The following GRID2 variants were observed in gnomAD, a reference collection of about 807,000 sequenced individuals.
GRID2 encodes glutamate ionotropic receptor delta type subunit 2, also known as glutamate receptor ionotropic, delta-2.
A neutral mutation model predicts 114.8 loss-of-function variants in GRID2; 33 were observed. The observed-to-expected ratio is 0.29, with a 90% CI of 0.22 to 0.38. The LOEUF is 0.38. GRID2 is among the 10% of genes least tolerant of loss of function. The pLI, the probability that GRID2 is intolerant of heterozygous loss-of-function variation, is 1.00. For synonymous variants in GRID2, 505 were observed against 449.9 expected, an observed-to-expected ratio of 1.12 and a Z score of -1.55; for missense variants, 1,184 against 1,257.7, an observed-to-expected ratio of 0.94 and a Z score of 0.89.
rs183132608 is a variant in GRID2, at chr4:93,123,995, T to C, written c.735+13042T>C. Among the ~76,000 whole-genome samples, 8 of 149,096 alleles carry C rather than the reference T, an allele frequency of 5.4e-5. No individual in the cohort carries two copies. In the East Asian group the frequency reaches 1.2e-3, roughly 23 times the overall value. On this transcript the variant is annotated intron_variant, in intron 4 of 15. Coordinates refer to ENST00000282020, the MANE Select transcript of GRID2 (RefSeq NM_001510.4). ...GGGGGAGGGATAGCATTGGGAGATATACCTAATGCTAGATGACACGTTAGT... is the reference window on the plus strand; with the variant it reads ...GGGGGAGGGATAGCATTGGGAGATACACCTAATGCTAGATGACACGTTAGT...
chr4:92,314,119 T>C lies in GRID2; in HGVS notation c.88+9375T>C, dbSNP rs370105364. 5.4e-4 allele frequency among the ~76,000 whole-genome samples: 82 copies of C among 152,184 alleles called. 1 individual carries two copies. In the South Asian group the frequency reaches 0.016, roughly 30 times the overall value. On this transcript the variant is annotated intron_variant, in intron 1 of 15. Coordinates refer to ENST00000282020, the MANE Select transcript of GRID2 (RefSeq NM_001510.4). ...TTTTTTTCTTTTTCTTTTTCTTTTA[T>C]AAATTGGATCAAGTGACACCAGGCC...
chr4:92,772,690 T>G (rs1023852414), intron 2 of GRID2, among the ~76,000 whole-genome samples: 2 of 152,212 alleles, frequency 1.3e-5, no homozygotes, highest in Non-Finnish European at 2.9e-5. Context: ...CATATTACTA[T>G]GTAGTCAAAG....
At chr4:92,823,294 A>G (rs956556927) in intron 2 of GRID2, among the ~76,000 whole-genome samples, 1 of 152,178 alleles carries the variant, frequency 6.6e-6, no homozygotes, top group Non-Finnish European at 1.5e-5. Flanking sequence ...ATATATAAGT[A>G]ATGAAAAAAG....
intron 4 of GRID2, among the ~76,000 whole-genome samples, chr4:93,171,091 A>T (rs1167928334): frequency 6.6e-6 from 1 of 152,202 alleles, no homozygotes; most frequent in Admixed American, 6.5e-5. Context: ...TTCTCTGGTC[A>T]GGTTTCCTAT....
At chr4:92,937,816 A>T (rs1040336121) in intron 2 of GRID2, among the ~76,000 whole-genome samples, 2 of 146,620 alleles carry the variant, frequency 1.4e-5, no homozygotes, top group Non-Finnish European at 3.0e-5. Flanking sequence ...TCATCTTAAT[A>T]GTATTAATTC....
At position 93,077,686 on chromosome 4, in the gene GRID2, A is replaced by G. The variant is rs1009901699; in HGVS notation, c.245-7309A>G. On this transcript the variant is annotated intron_variant, in intron 2 of 15. Transcript: ENST00000282020. Reference sequence around the variant, plus strand: ...TTTACCTATAATGACCAAATATGACATTCTGCACTCACCGAGTTTCCTAAA... The same window carrying G: ...TTTACCTATAATGACCAAATATGACGTTCTGCACTCACCGAGTTTCCTAAA... 4.6e-5 allele frequency among the ~76,000 whole-genome samples: 7 copies of G among 152,306 alleles called. No individual in the cohort carries two copies. The East Asian group carries it at 1.4e-3, about 29-fold the overall frequency.
chr4:93,725,635 T>C (rs1424009490), intron 14 of GRID2, among the ~76,000 whole-genome samples: 1 of 149,164 alleles, frequency 6.7e-6, no homozygotes, highest in African/African-American at 2.6e-5. Flanking sequence ...CCACATCCTC[T>C]CCAGCACCTT....
chr4:92,425,722 A>C (rs1442228376), intron 1 of GRID2, among the ~76,000 whole-genome samples: 1 of 152,084 alleles, frequency 6.6e-6, no homozygotes, highest in Non-Finnish European at 1.5e-5. Flanking sequence ...TGCCTAGTTT[A>C]AATTCTGGCA....
At chr4:92,382,151 A>T (rs1354129951) in intron 1 of GRID2, among the ~76,000 whole-genome samples, 2 of 151,978 alleles carry the variant, frequency 1.3e-5, no homozygotes, top group Non-Finnish European at 2.9e-5. Flanking sequence ...AAATTTAGTA[A>T]AATTTTTATT....
intron 14 of GRID2, among the ~76,000 whole-genome samples, chr4:93,664,343 G>T (rs1029258968): frequency 2.6e-5 from 4 of 152,206 alleles, no homozygotes; most frequent in Admixed American, 2.6e-4. Context: ...GAGAAATGGT[G>T]CTATCTGAAT....
intron 4 of GRID2, among the ~76,000 whole-genome samples, chr4:93,201,391 A>G (rs1742090385): frequency 1.3e-5 from 2 of 152,192 alleles, no homozygotes; most frequent in African/African-American, 4.8e-5. Context: ...GAAGCCAGAA[A>G]GGGAGTAGCT....
chr4:92,665,446 C>A lies in GRID2; in HGVS notation c.244+75160C>A, dbSNP rs181400675. ...ATTAGTACCTTAAATTATGTGGAAA[C>A]AATATGTATAGTTATAAACCAAAGT... On this transcript the variant is annotated intron_variant, in intron 2 of 15. Transcript: ENST00000282020. 1.3e-3 allele frequency among the ~76,000 whole-genome samples: 199 copies of A among 151,184 alleles called. 1 individual carries two copies. Among genetic ancestry groups the A allele is most frequent in the African/African-American group, 4.5e-3 (188 of 41,428 alleles).
intron 11 of GRID2, among the ~76,000 whole-genome samples, chr4:93,477,576 T>A (rs571630564): frequency 1.3e-5 from 2 of 152,164 alleles, no homozygotes; most frequent in Non-Finnish European, 2.9e-5. Context: ...AATTTCAATG[T>A]CATTTCAGAA....
intron 2 of GRID2, among the ~76,000 whole-genome samples, chr4:93,015,913 G>T (rs981819566): frequency 2.6e-5 from 4 of 151,966 alleles, no homozygotes; most frequent in Non-Finnish European, 5.9e-5. Flanking sequence ...GTTGATGGCA[G>T]ATTGCAATAC....
chr4:93,314,133 C>T (rs1309581667), intron 8 of GRID2, among the ~76,000 whole-genome samples: 1 of 151,742 alleles, frequency 6.6e-6, no homozygotes, highest in African/African-American at 2.4e-5. Context: ...AGTGAAACCC[C>T]ATCCCTACTA....
chr4:93,742,390 T>C (rs986159961), intron 14 of GRID2, among the ~76,000 whole-genome samples: 1 of 152,166 alleles, frequency 6.6e-6, no homozygotes, highest in African/African-American at 2.4e-5. Context: ...AATTAAACGA[T>C]GTGTGTAAAG....
intron 2 of GRID2, among the ~76,000 whole-genome samples, chr4:93,034,304 C>G (rs1323410335): frequency 1.3e-5 from 2 of 152,172 alleles, no homozygotes; most frequent in Non-Finnish European, 2.9e-5. Context: ...GCAAGGCAGA[C>G]AGTCTGTCAT....
At chr4:93,745,485 T>A (rs1731765763) in intron 14 of GRID2, among the ~76,000 whole-genome samples, 2 of 152,090 alleles carry the variant, frequency 1.3e-5, no homozygotes, top group Admixed American at 1.3e-4. Context: ...TTTATGTCAG[T>A]GGGGATGAGG....
intron 2 of GRID2, among the ~76,000 whole-genome samples, chr4:93,020,869 C>A (rs1215606393): frequency 6.6e-6 from 1 of 151,922 alleles, no homozygotes; most frequent in Non-Finnish European, 1.5e-5. Flanking sequence ...CCCGTCTCTA[C>A]TAAAAATACA....
Sources: allele counts gnomAD v4.1 joint callset (sites outside exome capture counted in the v4.1 genomes callset), GRCh38; gene constraint gnomAD v4.1.1; transcripts MANE v1.5; gene names NCBI Gene and HGNC (gene_info 2026-07-23, HGNC 2026-07-21).